The following MYO1E variants were observed in gnomAD, a reference collection of about 807,000 sequenced individuals.
MYO1E encodes the protein unconventional myosin-Ie.
MYO1E carries 68 observed loss-of-function variants against 151.1 expected under a neutral mutation model. The ratio of observed to expected loss-of-function variants is 0.45; its 90% confidence interval spans 0.37 to 0.55. The LOEUF is 0.55. MYO1E is among the 20% of genes least tolerant of loss of function. The pLI is 0.00. For missense variants in MYO1E, 1,363 were observed against 1,389.3 expected (o/e 0.98, Z 0.30); for synonymous variants, 601 against 501.7 (o/e 1.20, Z -2.64).
intron 26 of MYO1E, among the ~76,000 whole-genome samples, chr15:59,152,252 C>G (rs1456026947): frequency 1.3e-5 from 2 of 152,128 alleles, no homozygotes; most frequent in African/African-American, 4.8e-5. Context: ...AACCAACAAA[C>G]AAAAAGGTAG....
intron 6 of MYO1E, 50 bp from the exon 7 acceptor site, chr15:59,227,640 T>C (rs766432492): frequency 1.9e-6 from 3 of 1,606,216 alleles, no homozygotes; most frequent in Non-Finnish European, 2.6e-6. Context: ...CAAAACATGA[T>C]GTCCCAAACA....
intron 1 of MYO1E, among the ~76,000 whole-genome samples, chr15:59,323,152 G>C (rs1331926365): frequency 1.6e-4 from 18 of 110,236 alleles, no homozygotes; most frequent in Non-Finnish European, 2.5e-4. Flanking sequence ...CTGGGCGACA[G>C]AGCAAGACCC....
At chr15:59,189,523 G>A (rs2079720456) in intron 17 of MYO1E, among the ~76,000 whole-genome samples, 1 of 103,226 alleles carries the variant, frequency 9.7e-6, no homozygotes, top group African/African-American at 3.0e-5. Context: ...TTTCTTTCTT[G>A]AGTCAGAGTC....
intron 5 of MYO1E, 122 bp from the exon 6 acceptor site, chr15:59,231,913 G>C: frequency 3.6e-6 from 3 of 827,682 alleles, no homozygotes; most frequent in Non-Finnish European, 6.1e-6. Flanking sequence ...ACACCCGTGT[G>C]TCACTGGTGG....
intron 26 of MYO1E, among the ~76,000 whole-genome samples, chr15:59,153,229 T>G (rs1172369721): frequency 6.6e-6 from 1 of 152,238 alleles, no homozygotes; most frequent in Non-Finnish European, 1.5e-5. Flanking sequence ...TTAAAGCTGT[T>G]GTATTTATGC....
At chr15:59,268,720 A>ATTTTTTTTTTTTTTTGTTTTT (rs2080271821) in intron 2 of MYO1E, among the ~76,000 whole-genome samples, 1 of 44,906 alleles carries the variant, frequency 2.2e-5, no homozygotes, top group African/African-American at 5.8e-5. Context: ...TGACTTTGGT[A>ATTTTTTTTTTTTTTTGTTTTT]TTTTTTTTTT....
chr15:59,316,623 C>T (rs549807143), intron 1 of MYO1E, among the ~76,000 whole-genome samples: 36 of 152,124 alleles, frequency 2.4e-4, no homozygotes, highest in African/African-American at 4.8e-4. Context: ...TTTTATTTTT[C>T]GGAAGTCTGA....
intron 26 of MYO1E, among the ~76,000 whole-genome samples, chr15:59,152,721 A>C (rs901713041): frequency 1.8e-4 from 27 of 152,212 alleles, no homozygotes; most frequent in African/African-American, 6.5e-4. Flanking sequence ...AGGAAACTGA[A>C]GCTCAGAGAG....
At chr15:59,242,703 T>C (rs753604368) in intron 4 of MYO1E, among the ~76,000 whole-genome samples, 5 of 152,130 alleles carry the variant, frequency 3.3e-5, no homozygotes, top group Non-Finnish European at 7.3e-5. Flanking sequence ...TCTGAGAATA[T>C]ATCCCCACAA....
At chr15:59,210,822 A>C (rs751294885) in intron 12 of MYO1E, among the ~76,000 whole-genome samples, 2 of 152,228 alleles carry the variant, frequency 1.3e-5, no homozygotes, top group African/African-American at 2.4e-5. Flanking sequence ...AATTATTGCC[A>C]CACAACTGTT....
chr15:59,232,257 A>G (rs1178439619), intron 5 of MYO1E, among the ~76,000 whole-genome samples: 1 of 152,160 alleles, frequency 6.6e-6, no homozygotes, highest in Admixed American at 6.5e-5. Context: ...CTCCTCCCCA[A>G]ACAAGGTTAT....
At chr15:59,155,192 A>G (rs1460815841) in intron 25 of MYO1E, among the ~76,000 whole-genome samples, 2 of 152,256 alleles carry the variant, frequency 1.3e-5, no homozygotes, top group African/African-American at 4.8e-5. Context: ...GCTGCTCCAC[A>G]TGCTGCTCGA....
At chr15:59,157,528 C>T (rs2079515648) in intron 25 of MYO1E, among the ~76,000 whole-genome samples, 1 of 152,156 alleles carries the variant, frequency 6.6e-6, no homozygotes, top group Non-Finnish European at 1.5e-5. Flanking sequence ...TGCCATCTCA[C>T]CCTGTCCCGC....
At chr15:59,144,526 CT>C (rs2079429458) in intron 26 of MYO1E, among the ~76,000 whole-genome samples, 1 of 151,910 alleles carries the variant, frequency 6.6e-6, no homozygotes, top group Admixed American at 6.6e-5. Flanking sequence ...AACTCCTGGG[CT>C]TAAGCGATCC....
chr15:59,190,175 C>A (rs1245134694), intron 17 of MYO1E, among the ~76,000 whole-genome samples: 2 of 152,148 alleles, frequency 1.3e-5, no homozygotes, highest in Non-Finnish European at 2.9e-5. Context: ...GCTGGCTGAA[C>A]CAGACACTTG....
Position 59,322,100 on chromosome 15 carries a change from G to C in MYO1E, c.4-49651C>G, listed in dbSNP as rs757007019. Among the ~76,000 whole-genome samples the C allele has an allele frequency of 5.3e-4, 80 of 150,976 alleles. No homozygotes were observed. In the Middle Eastern group the frequency reaches 0.021, roughly 40 times the overall value. On this transcript the variant is annotated intron_variant, in intron 1 of 27. Coordinates refer to ENST00000288235, the MANE Select transcript of MYO1E (RefSeq NM_004998.4). ...TGAGGCAGGATAATTGTTTGGACCT[G>C]GGAGGTGGAGGTTGCAGTGAGCCAA...
chr15:59,370,652 C>T (rs1232864310), intron 1 of MYO1E, among the ~76,000 whole-genome samples: 1 of 152,342 alleles, frequency 6.6e-6, no homozygotes, highest in East Asian at 1.9e-4. Context: ...ATTTGACCAA[C>T]CCTCTACTTC....
At chr15:59,205,608 T>C in intron 14 of MYO1E, 123 bp from the exon 15 acceptor site, 1 of 840,382 alleles carries the variant, frequency 1.2e-6, no homozygotes, top group South Asian at 1.4e-5. Context: ...ATGGCTACCC[T>C]CACCACAACA....
intron 25 of MYO1E, among the ~76,000 whole-genome samples, chr15:59,157,698 G>A (rs77093293): frequency 0.16 from 24,700 of 150,944 alleles, 2,232 homozygotes; most frequent in African/African-American, 0.25. Flanking sequence ...AAGTGAAAGC[G>A]CTTCCTTTAA....
Sources: gnomAD v4.1 joint callset for allele counts (sites outside exome capture counted in the v4.1 genomes callset) on GRCh38, gnomAD v4.1.1 for gene constraint, MANE v1.5 for transcripts, NCBI Gene and HGNC (gene_info 2026-07-23, HGNC 2026-07-21) for gene names.